Variants in B3GLCT observed in about 807,000 individuals in gnomAD.
B3GLCT encodes the protein beta 3-glucosyltransferase.
In B3GLCT, 65 loss-of-function variants were observed where a neutral mutation model predicts 63.4. That is an observed-to-expected ratio of 1.03 (90% CI 0.84 to 1.26). The LOEUF is 1.26. Among genes scored for constraint, B3GLCT ranks in the 50% most tolerant of loss-of-function variants. B3GLCT has a pLI of 0.00. For missense variants in B3GLCT, 577 were observed against 604.8 expected, an observed-to-expected ratio of 0.95 and a Z score of 0.48; for synonymous variants, 233 against 219.2, an observed-to-expected ratio of 1.06 and a Z score of -0.55.
At chr13:31,262,506 C>G (rs1442787965) in intron 7 of B3GLCT, among the ~76,000 whole-genome samples, 2 of 152,220 alleles carry the variant, frequency 1.3e-5, no homozygotes, top group South Asian at 4.1e-4. Flanking sequence ...TCACCGTCTA[C>G]TGGTCTGCTT....
At chr13:31,281,688 C>T (rs1873076936) in intron 10 of B3GLCT, among the ~76,000 whole-genome samples, 1 of 152,142 alleles carries the variant, frequency 6.6e-6, no homozygotes, top group African/African-American at 2.4e-5. Context: ...TAATCTGCTC[C>T]TGAGAAGAGA....
rs933245503 is a variant in B3GLCT at position 31,317,463 on chromosome 13, T to G, written c.1065-103T>G. On this transcript the variant is annotated intron_variant, in intron 12 of 14. Transcript: ENST00000343307. The stretch of plus-strand genomic sequence containing the variant: ...AATTTCTTCTCTTAACTATTTCAGT[T>G]TAGTATTACACAGTATACAGAGTGG... 3.1e-5 allele frequency: 42 copies of G among 1,337,862 alleles called. No homozygotes were observed. In the Admixed American group the frequency reaches 7.2e-4, roughly 23 times the overall value. 82.9% of individuals were successfully genotyped at this position (1,337,862 alleles called of 1,614,324 possible). A position where few individuals can be genotyped will look rare whatever the true frequency, so the allele number is the denominator to read the frequency against.
chr13:31,206,605 G>A (rs4943209), intron 1 of B3GLCT, among the ~76,000 whole-genome samples: 2 of 145,578 alleles, frequency 1.4e-5, no homozygotes, highest in African/African-American at 2.6e-5. Flanking sequence ...AAAAAAAAAG[G>A]TAGCCGGGCA....
At chr13:31,315,791 G>A (rs1248483844) in intron 12 of B3GLCT, among the ~76,000 whole-genome samples, 3 of 152,230 alleles carry the variant, frequency 2.0e-5, no homozygotes, top group Non-Finnish European at 2.9e-5. Context: ...CAGGCCCAGA[G>A]GCCTAGGAGT....
At chr13:31,200,811 C>T (rs910903314) in intron 1 of B3GLCT, among the ~76,000 whole-genome samples, 10 of 152,142 alleles carry the variant, frequency 6.6e-5, no homozygotes, top group Non-Finnish European at 1.2e-4. Context: ...ACAGGGGCGC[C>T]CGCTGGGCCT....
At chr13:31,236,083 G>A (rs1014271440) in intron 4 of B3GLCT, among the ~76,000 whole-genome samples, 2 of 152,168 alleles carry the variant, frequency 1.3e-5, no homozygotes, top group African/African-American at 4.8e-5. Flanking sequence ...CCCCCAAGGT[G>A]TACTTTGTCC....
chr13:31,250,981 C>G (rs1025974601), intron 6 of B3GLCT, among the ~76,000 whole-genome samples: 7 of 152,112 alleles, frequency 4.6e-5, no homozygotes, highest in African/African-American at 1.7e-4. Context: ...TGGCATCTGG[C>G]AGGTGCTCCT....
At chr13:31,288,432 G>A (rs1430995841) in intron 12 of B3GLCT, among the ~76,000 whole-genome samples, 1 of 152,178 alleles carries the variant, frequency 6.6e-6, no homozygotes, top group Non-Finnish European at 1.5e-5. Context: ...TTCACCTGCA[G>A]GCCCAAGAAT....
intron 4 of B3GLCT, among the ~76,000 whole-genome samples, chr13:31,243,720 A>G (rs1005432925): frequency 6.6e-6 from 1 of 152,226 alleles, no homozygotes; most frequent in African/African-American, 2.4e-5. Context: ...GCTGCTTTAA[A>G]TATGAATTCA....
intron 7 of B3GLCT, among the ~76,000 whole-genome samples, chr13:31,263,043 C>T (rs1872117390): frequency 6.6e-6 from 1 of 152,206 alleles, no homozygotes; most frequent in Non-Finnish European, 1.5e-5. Flanking sequence ...GTTCTTCTTC[C>T]TCCAGGGCTA....
At chr13:31,301,545 A>G (rs939975906) in intron 12 of B3GLCT, among the ~76,000 whole-genome samples, 4 of 152,098 alleles carry the variant, frequency 2.6e-5, no homozygotes, top group African/African-American at 9.7e-5. Context: ...AATCCTAACA[A>G]CCGTTACACT....
chr13:31,294,457 T>C (rs187735600), intron 12 of B3GLCT, among the ~76,000 whole-genome samples: 43 of 152,352 alleles, frequency 2.8e-4, no homozygotes, highest in Admixed American at 1.6e-3. Flanking sequence ...CAATCAAACG[T>C]AGATTTGGTC....
chr13:31,318,413 A>G (rs1229253473), intron 13 of B3GLCT, among the ~76,000 whole-genome samples: 3 of 152,164 alleles, frequency 2.0e-5, no homozygotes, highest in Admixed American at 6.5e-5. Context: ...CTACTTTGCA[A>G]TTCCCTAGAT....
At chr13:31,289,858 C>G (rs898116912) in intron 12 of B3GLCT, among the ~76,000 whole-genome samples, 2 of 151,470 alleles carry the variant, frequency 1.3e-5, no homozygotes, top group Non-Finnish European at 2.9e-5. Context: ...TTTCCAATAA[C>G]ATTGGTAGTT....
intron 13 of B3GLCT, among the ~76,000 whole-genome samples, chr13:31,319,240 C>A (rs1031593236): frequency 6.6e-5 from 10 of 152,168 alleles, no homozygotes; most frequent in Non-Finnish European, 1.3e-4. Context: ...CAGCGTCTAC[C>A]CTGCCCCTGG....
intron 4 of B3GLCT, among the ~76,000 whole-genome samples, chr13:31,237,552 A>G (rs980337545): frequency 2.0e-5 from 3 of 151,944 alleles, no homozygotes; most frequent in African/African-American, 7.3e-5. Context: ...ACAGGGTTTC[A>G]CCATGTTGGC....
intron 4 of B3GLCT, among the ~76,000 whole-genome samples, chr13:31,233,224 A>G (rs1870470428): frequency 6.6e-6 from 1 of 152,204 alleles, no homozygotes; most frequent in Non-Finnish European, 1.5e-5. Flanking sequence ...TATAGTAGCT[A>G]TTTATTTCTC....
intron 1 of B3GLCT, among the ~76,000 whole-genome samples, chr13:31,209,631 C>T (rs1404839680): frequency 1.3e-5 from 2 of 152,164 alleles, no homozygotes; most frequent in Non-Finnish European, 1.5e-5. Flanking sequence ...TTTATGCTCT[C>T]CTGGCTTTTG....
chr13:31,296,552 A>G (rs1873952402), intron 12 of B3GLCT, among the ~76,000 whole-genome samples: 1 of 152,196 alleles, frequency 6.6e-6, no homozygotes, highest in South Asian at 2.1e-4. Context: ...TGGGGATTAG[A>G]TTTCAACATA....
Sources: gnomAD v4.1 joint callset for allele counts (sites outside exome capture counted in the v4.1 genomes callset) on GRCh38, gnomAD v4.1.1 for gene constraint, MANE v1.5 for transcripts, NCBI Gene and HGNC (gene_info 2026-07-23, HGNC 2026-07-21) for gene names.